The following NOSIP variants were observed in gnomAD, a reference collection of about 807,000 sequenced individuals.
The protein encoded by NOSIP is nitric oxide synthase-interacting protein.
Under a neutral mutation model 36.4 loss-of-function variants are expected in NOSIP, and 25 were observed. That is an observed-to-expected ratio of 0.69 (90% CI 0.50 to 0.96). NOSIP has a LOEUF of 0.96. Among genes scored for constraint, NOSIP ranks in the 40% least tolerant of loss-of-function variants. NOSIP has a pLI of 0.00. For missense variants in NOSIP, 370 were observed against 429.0 expected (o/e 0.86, Z 1.21); for synonymous variants, 187 against 179.2 (o/e 1.04, Z -0.35).
At position 49,555,676 on chromosome 19, in the gene NOSIP, G is replaced by A. The variant is rs376259890; in HGVS notation, c.*75C>T. The A allele has an allele frequency of 3.1e-6, 4 of 1,283,962 alleles. No individual in the cohort carries two copies. In the African/African-American group the frequency reaches 5.8e-5, roughly 19 times the overall value. The allele number at this position is 1,283,962 out of a possible 1,614,324, so 79.5% of individuals were successfully genotyped here. A position where few individuals can be genotyped will look rare whatever the true frequency, so the allele number is the denominator to read the frequency against. On this transcript the variant is annotated 3_prime_UTR_variant, in exon 9 of 9. Coordinates refer to ENST00000596358, the MANE Select transcript of NOSIP (RefSeq NM_001270960.2). ...CTGCATCCTCGCCTGCCCTGTCCCC[G>A]GGGCGCCCACGCCGCGAATGAAGGC...
intron 1 of NOSIP, among the ~76,000 whole-genome samples, chr19:49,562,515 G>T (rs1226602447): frequency 6.6e-6 from 1 of 152,082 alleles, no homozygotes; most frequent in Non-Finnish European, 1.5e-5. Context: ...GAAGCAAGAG[G>T]ACTGTTGAGC....
intron 1 of NOSIP, among the ~76,000 whole-genome samples, chr19:49,564,792 A>G (rs2080384340): frequency 6.6e-6 from 1 of 152,194 alleles, no homozygotes; most frequent in Non-Finnish European, 1.5e-5. Flanking sequence ...CACAGAGTAG[A>G]TAAAGAAACT....
chr19:49,573,301 C>G (rs1967915952), intron 1 of NOSIP, among the ~76,000 whole-genome samples: 1 of 152,168 alleles, frequency 6.6e-6, no homozygotes, highest in Admixed American at 6.6e-5. Context: ...GAAATCCTGT[C>G]TCCTTTCTCC....
intron 1 of NOSIP, among the ~76,000 whole-genome samples, chr19:49,577,449 C>T (rs915786232): frequency 1.3e-5 from 2 of 151,826 alleles, no homozygotes; most frequent in African/African-American, 4.8e-5. Context: ...CCCAGCTAGT[C>T]GGGAGGCTGA....
intron 4 of NOSIP, 34 bp from the exon 5 acceptor site, chr19:49,557,283 G>T: frequency 1.9e-6 from 3 of 1,542,462 alleles, no homozygotes; most frequent in South Asian, 1.2e-5. Flanking sequence ...GCATCTGCCC[G>T]TGGGGCTGGG....
intron 1 of NOSIP, among the ~76,000 whole-genome samples, chr19:49,576,585 TG>T (rs201226996): frequency 2.7e-4 from 39 of 146,522 alleles, no homozygotes; most frequent in African/African-American, 4.9e-4. Flanking sequence ...ACCTTGTCTC[TG>T]GGGAAAAAAA....
At position 49,560,664 on chromosome 19, in the gene NOSIP, C is replaced by T; in HGVS notation, c.28G>A (p.Ala10Thr). Reference protein sequence around the residue: MTRHGKNCTAGAVYTYHEKK... With the variant: MTRHGKNCTTGAVYTYHEKK... The stretch of plus-strand genomic sequence containing the variant: ...TCGTGGTAGGTGTAGACGGCCCCTG[C>T]GGTGCAGTTCTTGCCATGCCGCGTC... The change falls in exon 2 of 9, where the codon GCA (alanine) becomes ACA (threonine). Residue 10 changes from alanine to threonine, a missense_variant. Physicochemically the swap from Ala to Thr is moderately conservative, Grantham distance 58. Coordinates refer to ENST00000596358, the MANE Select transcript of NOSIP (RefSeq NM_001270960.2). The surrounding 1 kb of genome is among the most constrained non-coding windows in gnomAD (Gnocchi z 4.6). 1.3e-6 allele frequency: 2 copies of T among 1,595,938 alleles called. No homozygotes were observed. The highest frequency in any genetic ancestry group is 8.5e-7 in the Non-Finnish European group (1 of 1,170,904).
chr19:49,568,376 C>A (rs2080438234), intron 1 of NOSIP, among the ~76,000 whole-genome samples: 1 of 152,130 alleles, frequency 6.6e-6, no homozygotes, highest in African/African-American at 2.4e-5. Context: ...TGGCTCCTAA[C>A]ACCCGGGGAA....
In NOSIP at chr19:49,557,222, G is replaced by GCCGGGTGC; in HGVS notation, c.278_285dup (p.Arg96AlafsTer30). 6.3e-7 allele frequency: 1 copy of GCCGGGTGC among 1,596,164 alleles called. No homozygotes were observed. The highest frequency in any genetic ancestry group is 8.5e-7 in the Non-Finnish European group (1 of 1,172,134). On this transcript the variant is annotated frameshift_variant, in exon 5 of 9. Coordinates refer to ENST00000596358, the MANE Select transcript of NOSIP (RefSeq NM_001270960.2). LOFTEE classifies it high-confidence loss of function. ...CGCTGAAGCTCCTTCTGCTCCTCGC[G>GCCGGGTGC]CCGGGTGCCCCGCTGCTTCTCGTAG... is the stretch of plus-strand genomic sequence containing the variant.
At position 49,560,644 on chromosome 19, in the gene NOSIP, G is replaced by C. The variant is rs369863958; in HGVS notation, c.48C>G (p.Tyr16Ter). ...CACCTGTGTCCTTCTTCTTCTCGTGGTAGGTGTAGACGGCCCCTGCGGTGC... is the reference window on the plus strand; with the variant it reads ...CACCTGTGTCCTTCTTCTTCTCGTGCTAGGTGTAGACGGCCCCTGCGGTGC... ...KNCTAGAVYT[Y>*]HEKKKDTAAS... Residue 16 changes from tyrosine to a stop codon, truncating the protein, a stop_gained, in exon 2 of 9, where the codon TAC (tyrosine) becomes TAG (stop). Transcript: ENST00000596358. LOFTEE classifies it high-confidence loss of function. This position sits in a 1 kb window ranked among gnomAD's most constrained non-coding sequence, Gnocchi z 4.6. 1.3e-6 allele frequency: 2 copies of C among 1,596,390 alleles called. No individual in the cohort carries two copies. Among genetic ancestry groups the C allele is most frequent in the Non-Finnish European group, 1.7e-6 (2 of 1,170,984 alleles).
In NOSIP at chr19:49,568,800, T is replaced by G. The variant is rs2080444971; in HGVS notation, c.-1-8108A>C. 4.5e-5 allele frequency among the ~76,000 whole-genome samples: 5 copies of G among 111,966 alleles called. No homozygotes were observed. The South Asian group carries it at 1.3e-3, about 29-fold the overall frequency. 73.5% of individuals were successfully genotyped at this position (111,966 alleles called of 152,430 possible). A position where few individuals can be genotyped will look rare whatever the true frequency, so the allele number is the denominator to read the frequency against. On this transcript the variant is annotated intron_variant, in intron 1 of 8. Transcript: ENST00000596358. ...TCTCTAAAAAAAAAAAAAAAATAGT[T>G]TGTTTGTTTGTTTTTTTTTTTGAGA... is the stretch of plus-strand genomic sequence containing the variant.
chr19:49,557,056 C>T (rs759741798), intron 5 of NOSIP, 34 bp downstream of exon 5: 6 of 1,593,648 alleles, frequency 3.8e-6, no homozygotes, highest in African/African-American at 2.7e-5. Flanking sequence ...CGGCGCCCCG[C>T]CCCCCAACCC....
chr19:49,573,857 ATTTTTTT>A (rs560191336), intron 1 of NOSIP, among the ~76,000 whole-genome samples: 10 of 129,438 alleles, frequency 7.7e-5, no homozygotes, highest in East Asian at 6.5e-4. Flanking sequence ...GGACTGAAGT[ATTTTTTT>A]TTTTTTTTTT....
intron 4 of NOSIP, 90 bp downstream of exon 4, chr19:49,558,807 T>G: frequency 4.8e-6 from 5 of 1,039,556 alleles, no homozygotes; most frequent in African/African-American, 1.6e-5. Context: ...CAGAGGGAAC[T>G]GAGATCAGAG....
intron 1 of NOSIP, among the ~76,000 whole-genome samples, chr19:49,568,220 A>C (rs2080436132): frequency 6.6e-6 from 1 of 152,198 alleles, no homozygotes; most frequent in African/African-American, 2.4e-5. Context: ...CTCCAAAAAT[A>C]TGGCAGTTGA....
At chr19:49,559,241 C>T in intron 3 of NOSIP, 1 of 431,140 alleles carries the variant, frequency 2.3e-6, no homozygotes, top group Non-Finnish European at 4.2e-6. Flanking sequence ...TGTCCTCTCC[C>T]AATAGAGCTG....
intron 1 of NOSIP, among the ~76,000 whole-genome samples, chr19:49,569,053 GGCCTCCCAGAGT>G (rs1163933893): frequency 1.3e-5 from 2 of 151,450 alleles, no homozygotes; most frequent in East Asian, 3.9e-4. Flanking sequence ...TGCCCGCCTT[GGCCTCCCAGAGT>G]GCTGGGATTA....
intron 3 of NOSIP, chr19:49,559,191 T>C: frequency 5.2e-6 from 3 of 573,802 alleles, no homozygotes; most frequent in Non-Finnish European, 9.4e-6. Flanking sequence ...AAAAGGCACA[T>C]GGGGCAGAAT....
intron 1 of NOSIP, among the ~76,000 whole-genome samples, chr19:49,567,690 G>C (rs1451864271): frequency 1.3e-5 from 2 of 152,018 alleles, no homozygotes; most frequent in African/African-American, 4.8e-5. Context: ...TTTATTTTGA[G>C]ACAGAATCTT....
Sources: allele counts gnomAD v4.1 joint callset (sites outside exome capture counted in the v4.1 genomes callset), GRCh38; gene constraint gnomAD v4.1.1; non-coding constraint Gnocchi (gnomAD v3.1); transcripts MANE v1.5; gene names NCBI Gene and HGNC (gene_info 2026-07-23, HGNC 2026-07-21).